ZKSCAN5: variants seen among roughly 807,000 people sequenced by gnomAD.
The protein encoded by ZKSCAN5 is zinc finger protein with KRAB and SCAN domains 5.
In ZKSCAN5, 28 loss-of-function variants were observed where a neutral mutation model predicts 60.0. That is an observed-to-expected ratio of 0.47 (90% CI 0.35 to 0.64). The LOEUF is 0.64. Among genes scored for constraint, ZKSCAN5 ranks in the 30% least tolerant of loss-of-function variants. The pLI is 0.01. For missense variants in ZKSCAN5, 881 were observed against 1,034.6 expected (o/e 0.85, Z 2.04); for synonymous variants, 361 against 371.2 (o/e 0.97, Z 0.31).
chr7:99,528,625 C>T (rs1801910974), intron 6 of ZKSCAN5, among the ~76,000 whole-genome samples: 1 of 152,144 alleles, frequency 6.6e-6, no homozygotes, highest in Non-Finnish European at 1.5e-5. Flanking sequence ...AGGGGTCTGG[C>T]TCTGTTGCCC....
chr7:99,522,504 C>T (rs1801581827), intron 5 of ZKSCAN5, among the ~76,000 whole-genome samples: 1 of 149,836 alleles, frequency 6.7e-6, no homozygotes, highest in South Asian at 2.1e-4. Context: ...GACAGTGTCT[C>T]GCTCTGTTGC....
At chr7:99,518,964 G>A (rs1378195346) in intron 3 of ZKSCAN5, among the ~76,000 whole-genome samples, 4 of 101,556 alleles carry the variant, frequency 3.9e-5, no homozygotes, top group African/African-American at 7.8e-5. Context: ...GTGAGCCACC[G>A]TACCTGGCCC....
chr7:99,507,368 C>T (rs1291932015), intron 2 of ZKSCAN5, among the ~76,000 whole-genome samples: 1 of 151,626 alleles, frequency 6.6e-6, no homozygotes, highest in Non-Finnish European at 1.5e-5. Flanking sequence ...TTATAACAAA[C>T]TTTGCTGCAA....
At chr7:99,513,013 T>A (rs1584174337) in intron 3 of ZKSCAN5, among the ~76,000 whole-genome samples, 1 of 125,130 alleles carries the variant, frequency 8.0e-6, no homozygotes, top group East Asian at 2.5e-4. Context: ...GAGTGTGATG[T>A]TCCCCTTCCT....
chr7:99,518,015 A>T (rs185727806), intron 3 of ZKSCAN5, among the ~76,000 whole-genome samples: 60 of 152,304 alleles, frequency 3.9e-4, no homozygotes, highest in Non-Finnish European at 7.5e-4. Context: ...GATTTAATAC[A>T]TATTTCTTGA....
intron 6 of ZKSCAN5, among the ~76,000 whole-genome samples, chr7:99,528,922 A>G (rs1562916334): frequency 6.6e-6 from 1 of 152,164 alleles, no homozygotes; most frequent in Non-Finnish European, 1.5e-5. Flanking sequence ...GAGAAGGATG[A>G]CATGCCGGGG....
chr7:99,505,977 T>C lies in ZKSCAN5; in HGVS notation c.-40-28T>C. 13 of 1,552,376 alleles carry C rather than the reference T, an allele frequency of 8.4e-6. No homozygotes were observed. The South Asian group carries it at 1.4e-4, about 17-fold the overall frequency. On this transcript the variant is annotated intron_variant, in intron 1 of 6. Coordinates refer to ENST00000326775, the MANE Select transcript of ZKSCAN5 (RefSeq NM_145102.4). Reference sequence around the variant, plus strand: ...TACTGAAAGTGTCCTTCAGAAGATATTAAAGAGCAGAAAAACAATTGTTTC... The same window carrying C: ...TACTGAAAGTGTCCTTCAGAAGATACTAAAGAGCAGAAAAACAATTGTTTC...
chr7:99,519,917 G>T lies in ZKSCAN5; in HGVS notation c.636+8G>T, dbSNP rs780512201. ...CTCTCAACTGGGTCCCAGGTGAGCT[G>T]GTGCCCCTTTGCCCTCAGAGAGGAC... On this transcript the variant is annotated splice_region_variant and intron_variant, in intron 4 of 6. Coordinates refer to ENST00000326775, the MANE Select transcript of ZKSCAN5 (RefSeq NM_145102.4). The T allele has an allele frequency of 6.2e-7, 1 of 1,614,014 alleles. No homozygotes were observed. The highest frequency in any genetic ancestry group is 8.5e-7 in the Non-Finnish European group (1 of 1,179,932).
At chr7:99,527,968 T>C (rs1010801214) in intron 6 of ZKSCAN5, among the ~76,000 whole-genome samples, 16 of 152,048 alleles carry the variant, frequency 1.1e-4, no homozygotes, top group Non-Finnish European at 1.8e-4. Context: ...GGATTATAGG[T>C]GTGAGCTACC....
chr7:99,532,299 AT>A lies in ZKSCAN5; in HGVS notation c.*51del, dbSNP rs111684886. 3,604 of 1,488,092 alleles carry A rather than the reference AT, an allele frequency of 2.4e-3. 62 individuals carry two copies. The African/African-American group carries it at 0.044, about 18-fold the overall frequency. 92.2% of individuals were successfully genotyped at this position (1,488,092 alleles called of 1,614,324 possible). A position where few individuals can be genotyped will look rare whatever the true frequency, so the allele number is the denominator to read the frequency against. On this transcript the variant is annotated 3_prime_UTR_variant, in exon 7 of 7. Coordinates refer to ENST00000326775, the MANE Select transcript of ZKSCAN5 (RefSeq NM_145102.4). ...CTTCCTGGAGGGAAACCATACTCCT[AT>A]AATGAGCAAAGTAACAACTTCAAGC...
At position 99,533,047 on chromosome 7, in the gene ZKSCAN5, G is replaced by A; in HGVS notation, c.*798G>A. On this transcript the variant is annotated 3_prime_UTR_variant, in exon 7 of 7. Coordinates refer to ENST00000326775, the MANE Select transcript of ZKSCAN5 (RefSeq NM_145102.4). The stretch of plus-strand genomic sequence containing the variant: ...GGGAGCAGAGAAGACAGGCAAAGTT[G>A]TGGACTGTTTGATCTTGTATTACCC... 1 of 258,994 alleles carries A rather than the reference G, an allele frequency of 3.9e-6. No individual in the cohort carries two copies. The highest frequency in any genetic ancestry group is 3.9e-5 in the South Asian group (1 of 25,444). 16.0% of individuals were successfully genotyped at this position (258,994 alleles called of 1,614,324 possible). A position where few individuals can be genotyped will look rare whatever the true frequency, so the allele number is the denominator to read the frequency against.
chr7:99,515,993 CT>C (rs1219636117), intron 3 of ZKSCAN5, among the ~76,000 whole-genome samples: 2,061 of 145,298 alleles, frequency 0.014, 38 homozygotes, highest in African/African-American at 0.046. Flanking sequence ...CTCATCTTTG[CT>C]TTTTTTTTTT....
rs949137875 is a variant in ZKSCAN5, at chr7:99,533,397, C to T, written c.*1148C>T. The T allele has an allele frequency of 2.2e-5, 12 of 543,390 alleles. No individual in the cohort carries two copies. The East Asian group carries it at 2.5e-4, about 11-fold the overall frequency. 33.7% of individuals were successfully genotyped at this position (543,390 alleles called of 1,614,324 possible). A position where few individuals can be genotyped will look rare whatever the true frequency, so the allele number is the denominator to read the frequency against. Reference sequence around the variant, plus strand: ...TGAGTGAGTGCTCTTGGGCACTGCTCAGGCCGTTTCTGCTGACTTGCCTGG... The same window carrying T: ...TGAGTGAGTGCTCTTGGGCACTGCTTAGGCCGTTTCTGCTGACTTGCCTGG... On this transcript the variant is annotated 3_prime_UTR_variant, in exon 7 of 7. Transcript: ENST00000326775.
At chr7:99,505,891 T>C in intron 1 of ZKSCAN5, 114 bp from the exon 2 acceptor site, 1 of 852,094 alleles carries the variant, frequency 1.2e-6, no homozygotes, top group Non-Finnish European at 1.8e-6. Context: ...TTAGTATAGA[T>C]GACCTCTTTG....
chr7:99,508,144 C>T (rs191460440), intron 2 of ZKSCAN5, among the ~76,000 whole-genome samples: 69 of 150,644 alleles, frequency 4.6e-4, no homozygotes, highest in African/African-American at 1.6e-3. Context: ...CTAAAAAATA[C>T]AAAAATTAGC....
chr7:99,510,352 G>T (rs1246267344), intron 2 of ZKSCAN5, among the ~76,000 whole-genome samples: 1 of 152,090 alleles, frequency 6.6e-6, no homozygotes, highest in Non-Finnish European at 1.5e-5. Context: ...TCCTGCGTCA[G>T]TCTCCTGAAG....
At chr7:99,517,846 CAA>C (rs34620664) in intron 3 of ZKSCAN5, among the ~76,000 whole-genome samples, 66 of 129,844 alleles carry the variant, frequency 5.1e-4, no homozygotes, top group South Asian at 4.8e-4. Flanking sequence ...GACCTTGTCT[CAA>C]AAAAAAAAAA....
intron 3 of ZKSCAN5, among the ~76,000 whole-genome samples, chr7:99,518,573 C>A (rs1215971066): frequency 6.6e-6 from 1 of 151,762 alleles, no homozygotes; most frequent in Non-Finnish European, 1.5e-5. Flanking sequence ...CTCGAGCAGC[C>A]CTGGACTGTT....
chr7:99,516,214 T>C (rs1397244947), intron 3 of ZKSCAN5, among the ~76,000 whole-genome samples: 1 of 152,200 alleles, frequency 6.6e-6, no homozygotes, highest in Non-Finnish European at 1.5e-5. Flanking sequence ...TCACTTGGGT[T>C]CTGTCCACTT....
Sources: gnomAD v4.1 joint callset for allele counts (sites outside exome capture counted in the v4.1 genomes callset) on GRCh38, gnomAD v4.1.1 for gene constraint, MANE v1.5 for transcripts, NCBI Gene and HGNC (gene_info 2026-07-23, HGNC 2026-07-21) for gene names.